MAST4: variants seen among roughly 807,000 people sequenced by gnomAD.
MAST4 encodes the protein microtubule associated serine/threonine kinase family member 4.
In MAST4, 89 loss-of-function variants were observed where a neutral mutation model predicts 162.7. That is an observed-to-expected ratio of 0.55 (90% CI 0.46 to 0.65). The LOEUF (loss-of-function observed/expected upper bound fraction) is 0.65. Among genes scored for constraint, MAST4 ranks in the 30% least tolerant of loss-of-function variants. The probability of loss-of-function intolerance (pLI) is 0.00; values close to 1 mark genes in which losing one functional copy is unlikely to be tolerated. For synonymous variants in MAST4, 1,479 were observed against 1,361.1 expected (o/e 1.09, Z -1.91); for missense variants, 3,153 against 3,374.0 (o/e 0.93, Z 1.62).
At position 67,039,735 on chromosome 5, in the gene MAST4, C is replaced by T. The variant is rs549956452; in HGVS notation, c.675-14669C>T. On this transcript the variant is annotated intron_variant, in intron 4 of 28. Coordinates refer to ENST00000403625, the MANE Select transcript of MAST4 (RefSeq NM_001164664.2). ...TCTCCTGCCATAGTTTTAATCTAAT[C>T]CACACAATTTAGTGAGGCCTCTTTC... Among the ~76,000 whole-genome samples the T allele has an allele frequency of 2.0e-4, 30 of 152,248 alleles. 1 individual carries two copies. The South Asian group carries it at 6.2e-3, about 32-fold the overall frequency.
At chr5:66,733,789 T>C (rs1004243111) in intron 1 of MAST4, among the ~76,000 whole-genome samples, 1 of 151,972 alleles carries the variant, frequency 6.6e-6, no homozygotes, top group Non-Finnish European at 1.5e-5. Context: ...AGTGAAATTA[T>C]AATAGAAGAT....
At chr5:66,639,429 A>G (rs886468766) in intron 1 of MAST4, among the ~76,000 whole-genome samples, 1 of 152,218 alleles carries the variant, frequency 6.6e-6, no homozygotes, top group African/African-American at 2.4e-5. Context: ...AGTGTTTTAC[A>G]TAATTGTAAA....
intron 4 of MAST4, among the ~76,000 whole-genome samples, chr5:66,919,261 G>A (rs1393979384): frequency 6.6e-6 from 1 of 152,040 alleles, no homozygotes; most frequent in Non-Finnish European, 1.5e-5. Context: ...TAAGTTACTT[G>A]CATTAAGACC....
chr5:66,963,945 C>G lies in MAST4; in HGVS notation c.674+63963C>G, dbSNP rs1581032895. 5.6e-6 allele frequency: 4 copies of G among 718,632 alleles called. No individual in the cohort carries two copies. In the East Asian group the frequency reaches 1.1e-4, roughly 19 times the overall value. 44.5% of individuals were successfully genotyped at this position (718,632 alleles called of 1,614,324 possible). A position where few individuals can be genotyped will look rare whatever the true frequency, so the allele number is the denominator to read the frequency against. On this transcript the variant is annotated intron_variant, in intron 4 of 28. Transcript: ENST00000403625. ...TTGGTGACTTACTTGATCACTTACT[C>G]TATTTAGCATATTTACTCATATTTC...
intron 16 of MAST4, among the ~76,000 whole-genome samples, chr5:67,132,875 G>T (rs944037682): frequency 6.6e-6 from 1 of 151,894 alleles, no homozygotes; most frequent in Non-Finnish European, 1.5e-5. Flanking sequence ...AAAATTTTGG[G>T]ATATTTCCAT....
chr5:66,814,463 AT>A (rs1756627555), intron 3 of MAST4, among the ~76,000 whole-genome samples: 1 of 152,150 alleles, frequency 6.6e-6, no homozygotes, highest in African/African-American at 2.4e-5. Context: ...CTTCTGGCTC[AT>A]TCAGAGCATC....
At chr5:66,882,099 T>C (rs1761727146) in intron 3 of MAST4, among the ~76,000 whole-genome samples, 1 of 152,226 alleles carries the variant, frequency 6.6e-6, no homozygotes, top group East Asian at 1.9e-4. Flanking sequence ...TTCAGGTTAA[T>C]GTGTTTTGAG....
At chr5:66,776,805 T>G (rs1324559376) in intron 2 of MAST4, among the ~76,000 whole-genome samples, 1 of 152,132 alleles carries the variant, frequency 6.6e-6, no homozygotes, top group Non-Finnish European at 1.5e-5. Flanking sequence ...TACAGTGTAG[T>G]AGAACATACT....
rs1429432381 is a variant in MAST4 at position 66,596,943 on chromosome 5, G to GCCA, written c.290_291insACC (p.Pro98dup). 7.2e-7 allele frequency: 1 copy of GCCA among 1,394,506 alleles called. No homozygotes were observed. Among genetic ancestry groups the GCCA allele is most frequent in the Non-Finnish European group, 9.3e-7 (1 of 1,078,546 alleles). The allele number at this position is 1,394,506 out of a possible 1,614,324, so 86.4% of individuals were successfully genotyped here. On this transcript the variant is annotated inframe_insertion, in exon 1 of 29. Coordinates refer to ENST00000403625, the MANE Select transcript of MAST4 (RefSeq NM_001164664.2). ...TGGAGCGCGGAGTCCTTGCGCTGCC[G>GCCA]CCGCCGCTTCCCGGAGGAGCTGTGC...
intron 3 of MAST4, among the ~76,000 whole-genome samples, chr5:66,874,815 T>C (rs1445520162): frequency 2.0e-5 from 3 of 152,230 alleles, no homozygotes; most frequent in Non-Finnish European, 2.9e-5. Context: ...TCAGAGCAGA[T>C]GGTCTTCTTT....
At chr5:67,122,121 G>C (rs1767665279) in intron 14 of MAST4, among the ~76,000 whole-genome samples, 1 of 152,092 alleles carries the variant, frequency 6.6e-6, no homozygotes, top group Non-Finnish European at 1.5e-5. Flanking sequence ...GGTAATTAAT[G>C]CACAAACTAT....
At chr5:67,029,643 TTTTG>T (rs1031596660) in intron 4 of MAST4, among the ~76,000 whole-genome samples, 4 of 152,092 alleles carry the variant, frequency 2.6e-5, no homozygotes, top group African/African-American at 4.8e-5. Context: ...GATTGTTGGG[TTTTG>T]TTTGTTTATT....
At chr5:66,609,554 T>A (rs1325026712) in intron 1 of MAST4, among the ~76,000 whole-genome samples, 1 of 149,706 alleles carries the variant, frequency 6.7e-6, no homozygotes, top group Non-Finnish European at 1.5e-5. Flanking sequence ...CACGGCCAGC[T>A]AATTTTTTTT....
At chr5:66,847,557 C>T (rs1490745177) in intron 3 of MAST4, among the ~76,000 whole-genome samples, 1 of 152,082 alleles carries the variant, frequency 6.6e-6, no homozygotes, top group Non-Finnish European at 1.5e-5. Context: ...ATTGCTTGAA[C>T]CCAGGAGGCA....
chr5:66,793,222 G>A (rs1580463486), intron 3 of MAST4, among the ~76,000 whole-genome samples: 1 of 152,192 alleles, frequency 6.6e-6, no homozygotes, highest in African/African-American at 2.4e-5. Flanking sequence ...GACACATTGG[G>A]CATTTCAGAT....
chr5:66,930,718 C>A, intron 4 of MAST4: 1 of 470,722 alleles, frequency 2.1e-6, no homozygotes, highest in South Asian at 1.5e-5. Context: ...TGCCTTTATA[C>A]CATTCTATCT....
intron 4 of MAST4, among the ~76,000 whole-genome samples, chr5:67,039,692 G>T (rs1224963895): frequency 2.6e-5 from 4 of 152,136 alleles, no homozygotes; most frequent in Non-Finnish European, 5.9e-5. Flanking sequence ...ATTAACTGAA[G>T]CACTGTGTCT....
rs761896698 is a variant in MAST4 at position 67,162,826 on chromosome 5, G to C, written c.3967+38G>C. The C allele has an allele frequency of 1.8e-5, 29 of 1,590,190 alleles. No individual in the cohort carries two copies. The Admixed American group carries it at 4.9e-4, about 27-fold the overall frequency. ...CCTGGTCTAAACAGCAGAGGGGAGG[G>C]GAGGTAAAGTCATGTGAGGTCCCCA... On this transcript the variant is annotated intron_variant, in intron 28 of 28. Transcript: ENST00000403625.
chr5:66,861,593 G>A (rs1760122277), intron 3 of MAST4, among the ~76,000 whole-genome samples: 1 of 152,220 alleles, frequency 6.6e-6, no homozygotes, highest in Non-Finnish European at 1.5e-5. Flanking sequence ...GCCTAGCAGT[G>A]GAACCACTGT....
Sources: gnomAD v4.1 joint callset for allele counts (sites outside exome capture counted in the v4.1 genomes callset) on GRCh38, gnomAD v4.1.1 for gene constraint, MANE v1.5 for transcripts, NCBI Gene and HGNC (gene_info 2026-07-23, HGNC 2026-07-21) for gene names.